The following CDH18 variants were observed in gnomAD, a reference collection of about 807,000 sequenced individuals.
CDH18 encodes the protein cadherin 18, also known as cadherin-18.
A neutral mutation model predicts 67.9 loss-of-function variants in CDH18; 31 were observed. That is an observed-to-expected ratio of 0.46 (90% CI 0.34 to 0.62). The LOEUF (loss-of-function observed/expected upper bound fraction) is 0.62, where lower values mean the gene tolerates loss of function less well. Among genes scored for constraint, CDH18 ranks in the 20% least tolerant of loss-of-function variants. The pLI is 0.01. For missense variants in CDH18, 890 were observed against 975.5 expected, an observed-to-expected ratio of 0.91 and a Z score of 1.17; for synonymous variants, 362 against 347.2, an observed-to-expected ratio of 1.04 and a Z score of -0.48.
intron 2 of CDH18, among the ~76,000 whole-genome samples, 170 bp downstream of exon 2, chr5:19,980,890 A>G (rs975512645): frequency 2.6e-5 from 4 of 151,968 alleles, no homozygotes; most frequent in Admixed American, 2.0e-4. Flanking sequence ...GCCCAACTTG[A>G]TTCTCCTCAA....
At position 20,170,753 on chromosome 5, in the gene CDH18, T is replaced by C. The variant is rs187887434; in HGVS notation, c.-518+84691A>G. On this transcript the variant is annotated intron_variant, in intron 2 of 14. Transcript: ENST00000507958. Reference sequence around the variant, plus strand: ...GGGGTACATGTGCAGGTTTGTTATATAGGTAAACTCATGTCACAGGGTTTT... The same window carrying C: ...GGGGTACATGTGCAGGTTTGTTATACAGGTAAACTCATGTCACAGGGTTTT... Among the ~76,000 whole-genome samples the C allele has an allele frequency of 2.1e-3, 325 of 152,214 alleles. 2 individuals carry two copies. The highest frequency in any genetic ancestry group is 5.3e-3 in the African/African-American group (222 of 41,562).
intron 5 of CDH18, among the ~76,000 whole-genome samples, chr5:19,615,595 G>A (rs1192092600): frequency 6.6e-6 from 1 of 152,142 alleles, no homozygotes; most frequent in East Asian, 1.9e-4. Context: ...CACACTTGGT[G>A]TTGTATATGG....
chr5:19,587,353 A>G (rs140971919), intron 7 of CDH18, among the ~76,000 whole-genome samples: 318 of 152,208 alleles, frequency 2.1e-3, no homozygotes, highest in African/African-American at 7.4e-3. Context: ...CTTCGTCATG[A>G]TATCTTTGCC....
chr5:19,505,273 T>A (rs1322347105), intron 10 of CDH18, among the ~76,000 whole-genome samples: 1 of 152,102 alleles, frequency 6.6e-6, no homozygotes, highest in East Asian at 1.9e-4. Context: ...ACAGGGACAA[T>A]TTGACTTCCT....
intron 4 of CDH18, among the ~76,000 whole-genome samples, chr5:19,725,706 T>C (rs937375704): frequency 2.0e-5 from 3 of 152,114 alleles, no homozygotes; most frequent in African/African-American, 7.2e-5. Flanking sequence ...GAGGCAGAGA[T>C]TGCGGTGAGC....
intron 5 of CDH18, among the ~76,000 whole-genome samples, chr5:19,614,477 A>T (rs1385466486): frequency 8.6e-5 from 13 of 152,036 alleles, no homozygotes; most frequent in Admixed American, 3.3e-4. Context: ...TACGATAATT[A>T]CATTAGTAGG....
rs1174651572 is a variant in CDH18, at chr5:19,960,593, A to ATATATATACACACACGTG, written c.-257+20466_-257+20467insCACGTGTGTGTATATATA. On this transcript the variant is annotated intron_variant, in intron 2 of 12. Coordinates refer to ENST00000382275, the MANE Select transcript of CDH18 (RefSeq NM_004934.5). ...TGTGTGTGTGTGTGTGTGTGTGTAT[A>ATATATATACACACACGTG]TATATATATACACACACGTGTATAT... 1.8e-4 allele frequency among the ~76,000 whole-genome samples: 24 copies of ATATATATACACACACGTG among 130,728 alleles called. 2 individuals carry two copies. Among genetic ancestry groups the ATATATATACACACACGTG allele is most frequent in the African/African-American group, 4.8e-4 (14 of 29,346 alleles). The allele number at this position is 130,728 out of a possible 152,430, so 85.8% of individuals were successfully genotyped here. A position where few individuals can be genotyped will look rare whatever the true frequency, so the allele number is the denominator to read the frequency against.
At chr5:20,100,415 T>A (rs967402138) in intron 2 of CDH18, among the ~76,000 whole-genome samples, 7 of 152,296 alleles carry the variant, frequency 4.6e-5, no homozygotes, top group African/African-American at 1.7e-4. Flanking sequence ...GTCCCTTGTA[T>A]TAGAAGTGAT....
At chr5:19,692,199 A>G (rs1157018192) in intron 5 of CDH18, among the ~76,000 whole-genome samples, 2 of 152,072 alleles carry the variant, frequency 1.3e-5, no homozygotes, top group African/African-American at 4.8e-5. Flanking sequence ...ATGAAACTAG[A>G]CTGCTTTCTC....
chr5:20,212,723 A>T lies in CDH18; in HGVS notation c.-518+42721T>A, dbSNP rs145974221. 5.7e-3 allele frequency among the ~76,000 whole-genome samples: 875 copies of T among 152,178 alleles called. 12 individuals are homozygous for T. Among genetic ancestry groups the T allele is most frequent in the African/African-American group, 0.02 (817 of 41,542 alleles). ...AAAAGAAAAAAAAAAACATATCTTAAATTTTAAAATACTCTTTGCTAAAAT... is the reference window on the plus strand; with the variant it reads ...AAAAGAAAAAAAAAAACATATCTTATATTTTAAAATACTCTTTGCTAAAAT... On this transcript the variant is annotated intron_variant, in intron 2 of 14. Coordinates refer to the CDH18 transcript ENST00000507958.
intron 1 of CDH18, among the ~76,000 whole-genome samples, chr5:20,492,941 G>A (rs1753675330): frequency 6.6e-6 from 1 of 152,082 alleles, no homozygotes; most frequent in Non-Finnish European, 1.5e-5. Flanking sequence ...AAGAAGATAA[G>A]CCAACATCTG....
At chr5:19,487,221 G>C (rs928005793) in intron 11 of CDH18, among the ~76,000 whole-genome samples, 1 of 152,076 alleles carries the variant, frequency 6.6e-6, no homozygotes, top group African/African-American at 2.4e-5. Flanking sequence ...TAGGTAAATA[G>C]GTACATAGGT....
In CDH18 at chr5:20,118,067, A is replaced by G. The variant is rs560930830; in HGVS notation, c.-517-126053T>C. 3.9e-5 allele frequency among the ~76,000 whole-genome samples: 6 copies of G among 151,904 alleles called. No homozygotes were observed. In the South Asian group the frequency reaches 8.3e-4, roughly 21 times the overall value. On this transcript the variant is annotated intron_variant, in intron 2 of 14. Transcript: ENST00000507958. ...TTATCTTATGCAAATAATTCCCAGA[A>G]AGAATCAACTTCTTAGGAAGAATTA...
intron 11 of CDH18, among the ~76,000 whole-genome samples, chr5:19,486,675 C>A (rs1163660095): frequency 6.6e-6 from 1 of 152,054 alleles, no homozygotes; most frequent in Non-Finnish European, 1.5e-5. Flanking sequence ...CGCCTATAAT[C>A]TCAGCTACTT....
chr5:20,166,349 GA>G (rs1736283075), intron 2 of CDH18, among the ~76,000 whole-genome samples: 1 of 148,306 alleles, frequency 6.7e-6, no homozygotes, highest in South Asian at 2.1e-4. Context: ...GCTGAGGCAG[GA>G]GAATCGCTTG....
intron 2 of CDH18, among the ~76,000 whole-genome samples, chr5:20,137,760 A>G (rs1270650391): frequency 6.6e-6 from 1 of 152,020 alleles, no homozygotes; most frequent in African/African-American, 2.4e-5. Context: ...TGACCTACAG[A>G]TGGGGTTTTG....
chr5:19,788,628 A>G (rs970133006), intron 3 of CDH18, among the ~76,000 whole-genome samples: 3 of 152,174 alleles, frequency 2.0e-5, no homozygotes, highest in South Asian at 4.1e-4. Context: ...CAGATTACAT[A>G]TTAGTGTTCT....
intron 1 of CDH18, among the ~76,000 whole-genome samples, chr5:20,261,686 G>C (rs1744668371): frequency 6.6e-6 from 1 of 151,968 alleles, no homozygotes; most frequent in South Asian, 2.1e-4. Flanking sequence ...AGCTGAGATG[G>C]AGCCACTGCA....
rs962808628 is a variant in CDH18, at chr5:19,864,911, C to T, written c.-256-25669G>A. 5.3e-5 allele frequency among the ~76,000 whole-genome samples: 8 copies of T among 152,188 alleles called. No homozygotes were observed. In the East Asian group the frequency reaches 1.2e-3, roughly 22 times the overall value. ...GATGTGCAAGGGACTGCACAACCAA[C>T]GACCAATGAGGAAACATTAACTGAT... On this transcript the variant is annotated intron_variant, in intron 2 of 12. Transcript: ENST00000382275.
Sources: allele counts gnomAD v4.1 joint callset (sites outside exome capture counted in the v4.1 genomes callset), GRCh38; gene constraint gnomAD v4.1.1; transcripts MANE v1.5; gene names NCBI Gene and HGNC (gene_info 2026-07-23, HGNC 2026-07-21).